The following EPSTI1 variants were observed in gnomAD, a reference collection of about 807,000 sequenced individuals.
The protein encoded by EPSTI1 is epithelial-stromal interaction protein 1.
A neutral mutation model predicts 49.9 loss-of-function variants in EPSTI1; 66 were observed. The ratio of observed to expected loss-of-function variants is 1.32; its 90% CI spans 1.08 to 1.62. EPSTI1 has a LOEUF of 1.62. EPSTI1 is among the 40% of genes most tolerant of loss of function. The pLI, the probability that EPSTI1 is intolerant of heterozygous loss-of-function variation, is 0.00. For synonymous variants in EPSTI1, 137 were observed against 130.7 expected (o/e 1.05, Z -0.33); for missense variants, 394 against 365.5 (o/e 1.08, Z -0.64).
At chr13:42,888,764 CAG>C (rs1303098926) in intron 10 of EPSTI1, among the ~76,000 whole-genome samples, 5 of 152,164 alleles carry the variant, frequency 3.3e-5, no homozygotes, top group South Asian at 2.1e-4. Context: ...GATAGACTAA[CAG>C]AGGTGACAAA....
intron 1 of EPSTI1, among the ~76,000 whole-genome samples, chr13:42,980,518 G>A (rs763394150): frequency 1.3e-4 from 20 of 152,152 alleles, no homozygotes; most frequent in Non-Finnish European, 2.5e-4. Context: ...CAGAGGAACT[G>A]CCCTTTATAA....
At chr13:42,978,659 C>T (rs1010682522) in intron 1 of EPSTI1, among the ~76,000 whole-genome samples, 3 of 152,156 alleles carry the variant, frequency 2.0e-5, no homozygotes, top group African/African-American at 4.8e-5. Context: ...TGTATTAGAT[C>T]ATCCCTAGAC....
chr13:42,979,689 C>T (rs34292320), intron 1 of EPSTI1, among the ~76,000 whole-genome samples: 43,535 of 151,556 alleles, frequency 0.29, 6,288 homozygotes, highest in South Asian at 0.43. Flanking sequence ...TATTTACCAA[C>T]TGTTAATGTT....
chr13:42,960,807 G>A (rs2039425554), intron 5 of EPSTI1, among the ~76,000 whole-genome samples: 1 of 152,122 alleles, frequency 6.6e-6, no homozygotes, highest in African/African-American at 2.4e-5. Context: ...GCAGTGGTGG[G>A]CTGAGTCTTT....
Position 42,968,943 on chromosome 13 carries a change from CACACACACACA to C in EPSTI1, c.331+140_331+150del, listed in dbSNP as rs1457610455. The C allele has an allele frequency of 1.0e-4, 73 of 713,402 alleles. 1 individual carries two copies. Among genetic ancestry groups the C allele is most frequent in the East Asian group, 2.5e-4 (9 of 35,838 alleles). 44.2% of individuals were successfully genotyped at this position (713,402 alleles called of 1,614,324 possible). On this transcript the variant is annotated intron_variant, in intron 3 of 10. Transcript: ENST00000313624. ...AAATACACACACACACACACACACA[CACACACACACA>C]ATTAAATGCATTCCACCCAAGCAGC...
intron 9 of EPSTI1, among the ~76,000 whole-genome samples, chr13:42,898,592 C>T (rs910676408): frequency 3.3e-5 from 5 of 151,946 alleles, no homozygotes; most frequent in Admixed American, 6.6e-5. Context: ...GAAAAAATAA[C>T]GTATAGAAAT....
intron 6 of EPSTI1, among the ~76,000 whole-genome samples, chr13:42,948,480 G>GT (rs1448093889): frequency 5.0e-5 from 4 of 79,248 alleles, no homozygotes; most frequent in Non-Finnish European, 1.0e-4. Context: ...TTTTGTTTTT[G>GT]TTTTTTTCGG....
intron 8 of EPSTI1, 108 bp from the exon 9 acceptor site, chr13:42,900,491 T>C: frequency 9.3e-7 from 1 of 1,069,632 alleles, no homozygotes; most frequent in Non-Finnish European, 1.4e-6. Context: ...TATTTCATTT[T>C]TGAAACTTTT....
At chr13:42,959,001 T>G (rs948292956) in intron 5 of EPSTI1, among the ~76,000 whole-genome samples, 1 of 152,194 alleles carries the variant, frequency 6.6e-6, no homozygotes, top group Non-Finnish European at 1.5e-5. Context: ...TCCAAGAGGT[T>G]GATATAATAG....
chr13:42,987,036 A>G (rs1247038175), intron 1 of EPSTI1, among the ~76,000 whole-genome samples: 2 of 152,144 alleles, frequency 1.3e-5, no homozygotes, highest in African/African-American at 4.8e-5. Context: ...TGTATCCTTT[A>G]TGATAAACCT....
intron 2 of EPSTI1, chr13:42,970,370 G>A (rs1192196347): frequency 2.5e-6 from 1 of 393,034 alleles, no homozygotes; most frequent in Non-Finnish European, 4.5e-6. Context: ...AGTTGTTCAA[G>A]CCAACAGAAA....
chr13:42,946,531 G>T (rs1239326470), intron 6 of EPSTI1, among the ~76,000 whole-genome samples: 1 of 152,130 alleles, frequency 6.6e-6, no homozygotes, highest in African/African-American at 2.4e-5. Context: ...ATCCATGTTG[G>T]GTCTGGGAAG....
At position 42,923,258 on chromosome 13, in the gene EPSTI1, G is replaced by A. The variant is rs1041593967; in HGVS notation, c.657+3078C>T. Among the ~76,000 whole-genome samples, 6 of 152,152 alleles carry A rather than the reference G, an allele frequency of 3.9e-5. No individual in the cohort carries two copies. In the South Asian group the frequency reaches 6.2e-4, roughly 16 times the overall value. ...AGATTTTTTCACATCGTTATTCTTC[G>A]TTGAGGAAGTAGGGGCATAAGGCCG... On this transcript the variant is annotated intron_variant, in intron 7 of 10. Coordinates refer to ENST00000313624, the MANE Select transcript of EPSTI1 (RefSeq NM_033255.5).
chr13:42,888,157 A>G lies in EPSTI1; in HGVS notation c.*337T>C. 7.0e-7 allele frequency: 1 copy of G among 1,426,206 alleles called. No individual in the cohort carries two copies. Among genetic ancestry groups the G allele is most frequent in the Non-Finnish European group, 9.5e-7 (1 of 1,047,728 alleles). The allele number at this position is 1,426,206 out of a possible 1,614,324, so 88.3% of individuals were successfully genotyped here. ...TAAGAATATGTCACTTAGAAAGACA[A>G]GCCTGTAGCACCCATAGCTCTGATT... is the stretch of plus-strand genomic sequence containing the variant. On this transcript the variant is annotated 3_prime_UTR_variant, in exon 11 of 11. Coordinates refer to ENST00000313624, the MANE Select transcript of EPSTI1 (RefSeq NM_033255.5).
chr13:42,918,301 G>A (rs2037896254), intron 7 of EPSTI1, among the ~76,000 whole-genome samples: 1 of 152,168 alleles, frequency 6.6e-6, no homozygotes, highest in Admixed American at 6.5e-5. Flanking sequence ...CATGTGTTCT[G>A]ACATTTATGG....
Position 42,958,882 on chromosome 13 carries a change from A to T in EPSTI1, c.489+4373T>A, listed in dbSNP as rs185331638. Among the ~76,000 whole-genome samples, 459 of 152,308 alleles carry T rather than the reference A, an allele frequency of 3.0e-3. 1 individual carries two copies. The highest frequency in any genetic ancestry group is 6.8e-3 in the Middle Eastern group (2 of 294). On this transcript the variant is annotated intron_variant, in intron 5 of 10. Transcript: ENST00000313624. ...TGTGGCAAAAGAAAAAACAAAAGTC[A>T]CATATGTTTTTCTCTCCAGCAACTT...
At chr13:42,909,194 A>G (rs2037593022) in intron 8 of EPSTI1, among the ~76,000 whole-genome samples, 2 of 152,216 alleles carry the variant, frequency 1.3e-5, no homozygotes, top group Admixed American at 6.5e-5. Flanking sequence ...AATGCTCAAC[A>G]TGACTAACCA....
chr13:42,900,087 CT>C (rs2037310622), intron 9 of EPSTI1, among the ~76,000 whole-genome samples: 1 of 152,132 alleles, frequency 6.6e-6, no homozygotes, highest in South Asian at 2.1e-4. Context: ...ATAATGCCAC[CT>C]ATCCAAGAAA....
rs1170007337 is a variant in EPSTI1 at position 42,887,286 on chromosome 13, C to T, written c.*1208G>A. ...GACACCATCTGTTCTCTGTTACCCCCCACCCACCAATGTGGCCCTTTCCTA... is the reference window on the plus strand; with the variant it reads ...GACACCATCTGTTCTCTGTTACCCCTCACCCACCAATGTGGCCCTTTCCTA... On this transcript the variant is annotated 3_prime_UTR_variant, in exon 11 of 11. Transcript: ENST00000313624. The T allele has an allele frequency of 1.3e-5, 2 of 152,242 alleles. No homozygotes were observed. Among genetic ancestry groups the T allele is most frequent in the East Asian group, 3.8e-4 (2 of 5,200 alleles). The allele number at this position is 152,242 out of a possible 1,614,324, so 9.4% of individuals were successfully genotyped here.
Sources: gnomAD v4.1 joint callset for allele counts (sites outside exome capture counted in the v4.1 genomes callset) on GRCh38, gnomAD v4.1.1 for gene constraint, MANE v1.5 for transcripts, NCBI Gene and HGNC (gene_info 2026-07-23, HGNC 2026-07-21) for gene names.